Variants in KIF4A observed in about 807,000 individuals in gnomAD.
KIF4A encodes the protein chromosome-associated kinesin KIF4A.
Under a neutral mutation model 105.9 loss-of-function variants are expected in KIF4A, and 7 were observed. The observed-to-expected ratio is 0.07, with a 90% CI of 0.04 to 0.12. The LOEUF (loss-of-function observed/expected upper bound fraction) is 0.12. KIF4A is among the 10% of genes least tolerant of loss of function. The probability of loss-of-function intolerance (pLI) is 1.00; values close to 1 mark genes in which losing one functional copy is unlikely to be tolerated. For missense variants in KIF4A, 558 were observed against 929.2 expected, an observed-to-expected ratio of 0.60 and a Z score of 5.19; for synonymous variants, 281 against 331.3, an observed-to-expected ratio of 0.85 and a Z score of 1.65.
At chrX:70,327,480 T>C (rs990694158) in intron 7 of KIF4A, among the ~76,000 whole-genome samples, 69 of 108,875 alleles carry the variant, frequency 6.3e-4, no homozygotes, top group African/African-American at 2.3e-3. Context: ...AGGGGAAGGA[T>C]GAAGGAATAA....
intron 16 of KIF4A, among the ~76,000 whole-genome samples, chrX:70,374,539 C>A (rs1301999622): frequency 9.0e-6 from 1 of 111,632 alleles, no homozygotes; most frequent in African/African-American, 3.2e-5. Context: ...ATTCAGGCTA[C>A]CATGATCAAG....
Position 70,333,716 on chromosome X carries a change from G to A in KIF4A, c.1133+27G>A, listed in dbSNP as rs1371224983. 3 of 1,015,002 alleles carry A rather than the reference G, an allele frequency of 3.0e-6. No homozygotes were observed. In the African/African-American group the frequency reaches 5.6e-5, roughly 19 times the overall value. The allele number at this position is 1,015,002 out of a possible 1,213,427, so 83.6% of individuals were successfully genotyped here. A position where few individuals can be genotyped will look rare whatever the true frequency, so the allele number is the denominator to read the frequency against. On this transcript the variant is annotated intron_variant, in intron 10 of 30. Coordinates refer to ENST00000374403, the MANE Select transcript of KIF4A (RefSeq NM_012310.5). ...TAAGAGTCATAGATTAATTTGAATT[G>A]TGTATTCTAATAGAGGCTATTTTTC...
intron 20 of KIF4A, among the ~76,000 whole-genome samples, chrX:70,390,012 CTTTA>C (rs998548394): frequency 3.6e-5 from 4 of 112,238 alleles, no homozygotes; most frequent in Non-Finnish European, 7.5e-5. Flanking sequence ...CAGTATATCT[CTTTA>C]TTTAGGTTTT....
Position 70,366,344 on chromosome X carries a change from G to C in KIF4A, c.1675-7807G>C, listed in dbSNP as rs148338917. 9.9e-4 allele frequency among the ~76,000 whole-genome samples: 110 copies of C among 110,884 alleles called. 2 individuals carry two copies. The East Asian group carries it at 0.027, about 28-fold the overall frequency. On this transcript the variant is annotated intron_variant, in intron 15 of 30. Coordinates refer to ENST00000374403, the MANE Select transcript of KIF4A (RefSeq NM_012310.5). ...CTAGTTCTTTTAATTTTGATGTTGG[G>C]GTGCCAATTTTAGATCTTTCCTGCT...
At chrX:70,376,276 A>G in intron 18 of KIF4A, 66 bp downstream of exon 18, 1 of 607,743 alleles carries the variant, frequency 1.6e-6, no homozygotes, top group South Asian at 2.9e-5. Flanking sequence ...TAACAATTTT[A>G]ATGCTTCTCT....
At chrX:70,377,888 C>T (rs1054273972) in intron 18 of KIF4A, among the ~76,000 whole-genome samples, 6 of 112,338 alleles carry the variant, frequency 5.3e-5, no homozygotes, top group Admixed American at 9.4e-5. Flanking sequence ...GAGCTGAGAT[C>T]GTGCCACTGC....
At chrX:70,333,298 C>T (rs1490806715) in intron 9 of KIF4A, among the ~76,000 whole-genome samples, 8 of 98,402 alleles carry the variant, frequency 8.1e-5, no homozygotes, top group Admixed American at 1.2e-4. Flanking sequence ...CCACCCTGGG[C>T]GACAGAGCAA....
chrX:70,345,075 T>G (rs1290929174), intron 13 of KIF4A, among the ~76,000 whole-genome samples: 1 of 112,154 alleles, frequency 8.9e-6, no homozygotes, highest in African/African-American at 3.2e-5. Flanking sequence ...AGACCCTGGT[T>G]TGAAGCCAGT....
At chrX:70,418,783 C>A (rs918532617) in intron 29 of KIF4A, among the ~76,000 whole-genome samples, 1 of 112,044 alleles carries the variant, frequency 8.9e-6, no homozygotes, top group African/African-American at 3.2e-5. Context: ...CAACCTGCAT[C>A]TTCTATTAAA....
intron 7 of KIF4A, among the ~76,000 whole-genome samples, chrX:70,304,354 G>A (rs1323317299): frequency 1.0e-5 from 1 of 96,891 alleles, no homozygotes; most frequent in Non-Finnish European, 2.1e-5. Flanking sequence ...GGACATTTGG[G>A]TTGGTTCCAA....
intron 15 of KIF4A, among the ~76,000 whole-genome samples, chrX:70,365,880 T>G (rs1383394033): frequency 8.9e-6 from 1 of 111,738 alleles, no homozygotes; most frequent in African/African-American, 3.3e-5. Context: ...TCCTGGACTT[T>G]TTTTGGTTGG....
In KIF4A at chrX:70,333,610, T is replaced by G; in HGVS notation, c.1072-18T>G. 8.5e-7 allele frequency: 1 copy of G among 1,182,675 alleles called. No individual in the cohort carries two copies. The highest frequency in any genetic ancestry group is 1.2e-6 in the Non-Finnish European group (1 of 869,401). ...TTTGGTTGGTGACTAGCTGATTATT[T>G]TTCTTTGCTTCTCCCAGGTACAACA... is the stretch of plus-strand genomic sequence containing the variant. On this transcript the variant is annotated intron_variant, in intron 9 of 30. Coordinates refer to ENST00000374403, the MANE Select transcript of KIF4A (RefSeq NM_012310.5).
chrX:70,373,196 C>T (rs183811640), intron 15 of KIF4A, among the ~76,000 whole-genome samples: 21 of 107,797 alleles, frequency 1.9e-4, no homozygotes, highest in Middle Eastern at 4.7e-3. Context: ...CACTTGAGCC[C>T]GGGAGATAAA....
chrX:70,397,454 A>G (rs1478622949), intron 22 of KIF4A, among the ~76,000 whole-genome samples: 1 of 111,780 alleles, frequency 8.9e-6, no homozygotes, highest in African/African-American at 3.2e-5. Flanking sequence ...AAAAGAAGGA[A>G]TAGAAGTGCT....
chrX:70,420,022 C>T (rs748817424), intron 30 of KIF4A, 40 bp from the exon 31 acceptor site: 112 of 1,168,311 alleles, frequency 9.6e-5, no homozygotes, highest in Non-Finnish European at 1.2e-4. Flanking sequence ...GCTTCTGCCC[C>T]TTTCTAAAGT....
intron 15 of KIF4A, among the ~76,000 whole-genome samples, chrX:70,364,623 A>G (rs1184026249): frequency 6.3e-5 from 7 of 111,027 alleles, no homozygotes; most frequent in Non-Finnish European, 1.1e-4. Context: ...TACCAGTACC[A>G]TGCTGTTTTG....
intron 7 of KIF4A, among the ~76,000 whole-genome samples, chrX:70,306,730 G>A (rs1283975432): frequency 9.0e-6 from 1 of 110,754 alleles, no homozygotes; most frequent in African/African-American, 3.3e-5. Flanking sequence ...TAGTAGAGAC[G>A]GGACTTCACC....
intron 15 of KIF4A, among the ~76,000 whole-genome samples, chrX:70,362,534 G>A (rs982263343): frequency 1.8e-5 from 2 of 111,866 alleles, no homozygotes; most frequent in African/African-American, 6.5e-5. Context: ...AACTTAAGAA[G>A]AAATAAATTT....
chrX:70,316,312 A>G (rs1454626794), intron 7 of KIF4A, among the ~76,000 whole-genome samples: 1 of 111,236 alleles, frequency 9.0e-6, no homozygotes, highest in African/African-American at 3.3e-5. Context: ...TTTATAGGCC[A>G]TTTATATTCC....
Sources: allele counts gnomAD v4.1 joint callset (sites outside exome capture counted in the v4.1 genomes callset), GRCh38; gene constraint gnomAD v4.1.1; transcripts MANE v1.5; gene names NCBI Gene and HGNC (gene_info 2026-07-23, HGNC 2026-07-21).